AFF4: variants seen among roughly 807,000 people sequenced by gnomAD.
AFF4 encodes the protein ALF transcription elongation factor 4, also known as AF4/FMR2 family member 4.
In AFF4, 13 loss-of-function variants were observed where a neutral mutation model predicts 124.8. The observed-to-expected ratio is 0.10, with a 90% confidence interval of 0.07 to 0.17. AFF4 has a LOEUF of 0.17. AFF4 is among the 10% of genes least tolerant of loss of function. AFF4 has a pLI of 1.00. For synonymous variants in AFF4, 477 were observed against 496.1 expected (o/e 0.96, Z 0.51); for missense variants, 1,092 against 1,403.8 (o/e 0.78, Z 3.55).
intron 1 of AFF4, among the ~76,000 whole-genome samples, chr5:132,955,425 T>C (rs1761930506): frequency 6.6e-6 from 1 of 152,110 alleles, no homozygotes; most frequent in South Asian, 2.1e-4. Flanking sequence ...TCTGATCTGA[T>C]AGGAAGCAAA....
rs1055166023 is a variant in AFF4 at position 132,947,531 on chromosome 5, T to A, written c.-4-10338A>T. On this transcript the variant is annotated intron_variant, in intron 1 of 20. Transcript: ENST00000265343. ...TTCACTTAGTGTCTTAAAATAACTA[T>A]CCTACTGAAAAACAGAGTCATTCAA... Among the ~76,000 whole-genome samples the A allele has an allele frequency of 3.6e-4, 55 of 152,194 alleles. 1 individual carries two copies. The highest frequency in any genetic ancestry group is 1.9e-3 in the Admixed American group (29 of 15,272).
rs1475372623 is a variant in AFF4, at chr5:132,897,032, G to C, written c.1598C>G (p.Ser533Cys). The C allele has an allele frequency of 5.0e-6, 8 of 1,614,194 alleles. No homozygotes were observed. The highest frequency in any genetic ancestry group is 6.8e-6 in the Non-Finnish European group (8 of 1,180,042). The change falls in exon 11 of 21, where the codon TCC becomes TGC. Residue 533 changes from serine to cysteine, a missense_variant. Physicochemically the swap from Ser to Cys is moderately radical, Grantham distance 112. Around this residue, in one of 11 missense-constraint regions of AFF4, gnomAD observed 174 missense variants for 205.9 expected, o/e 0.84. Transcript: ENST00000265343. ...ETSSATPGRDSKTIQKGSESG... is the reference protein window; with the variant it reads ...ETSSATPGRDCKTIQKGSESG... Reference sequence around the variant, plus strand: ...TTCTGATCCCTTTTGGATGGTTTTGGAGTCTCGTCCCGGAGTAGCGGAACT... The same window carrying C: ...TTCTGATCCCTTTTGGATGGTTTTGCAGTCTCGTCCCGGAGTAGCGGAACT...
intron 5 of AFF4, among the ~76,000 whole-genome samples, chr5:132,916,885 T>C (rs1244464915): frequency 6.6e-6 from 1 of 152,188 alleles, no homozygotes; most frequent in Non-Finnish European, 1.5e-5. Flanking sequence ...GAATGTAATA[T>C]TGATTTAACA....
Position 132,946,108 on chromosome 5 carries a change from C to A in AFF4, c.-4-8915G>T, listed in dbSNP as rs201753244. Among the ~76,000 whole-genome samples the A allele has an allele frequency of 1.0e-3, 156 of 152,148 alleles. 4 individuals carry two copies. In the East Asian group the frequency reaches 0.027, roughly 26 times the overall value. ...AGTAAAGTTTAGTGAAAGAAAAAAACCCACAATATCACTCCACACCCATTA... is the reference window on the plus strand; with the variant it reads ...AGTAAAGTTTAGTGAAAGAAAAAAAACCACAATATCACTCCACACCCATTA... On this transcript the variant is annotated intron_variant, in intron 1 of 20. Transcript: ENST00000265343.
At chr5:132,911,090 T>C (rs1057401305) in intron 5 of AFF4, among the ~76,000 whole-genome samples, 1 of 152,212 alleles carries the variant, frequency 6.6e-6, no homozygotes, top group Non-Finnish European at 1.5e-5. Flanking sequence ...GAAGATTTCC[T>C]AAGGTTACCT....
chr5:132,882,778 C>A (rs752807607), intron 20 of AFF4, among the ~76,000 whole-genome samples: 5 of 148,220 alleles, frequency 3.4e-5, no homozygotes, highest in Non-Finnish European at 7.4e-5. Flanking sequence ...CACTTGAAAC[C>A]GGAAGGTGGA....
intron 1 of AFF4, among the ~76,000 whole-genome samples, chr5:132,955,369 C>T (rs1761929244): frequency 2.0e-5 from 3 of 152,152 alleles, no homozygotes; most frequent in Admixed American, 2.0e-4. Flanking sequence ...ACCCCACCCA[C>T]TTCTAGCCAG....
At chr5:132,890,918 T>C (rs1023735001) in intron 13 of AFF4, among the ~76,000 whole-genome samples, 6 of 152,088 alleles carry the variant, frequency 3.9e-5, no homozygotes, top group African/African-American at 1.2e-4. Context: ...TTACGTGTGA[T>C]AGAAGCATAC....
At position 132,893,725 on chromosome 5, in the gene AFF4, G is replaced by A. The variant is rs566559051; in HGVS notation, c.2308-607C>T. Among the ~76,000 whole-genome samples the A allele has an allele frequency of 2.8e-3, 426 of 152,116 alleles. 4 individuals are homozygous for A. Among genetic ancestry groups the A allele is most frequent in the African/African-American group, 9.7e-3 (402 of 41,492 alleles). ...AATCTCCTGACCTCATGATCCGCCC[G>A]CCTTGGCCTCCCAAAGTGCTGGGAT... On this transcript the variant is annotated intron_variant, in intron 11 of 20. Coordinates refer to ENST00000265343, the MANE Select transcript of AFF4 (RefSeq NM_014423.4).
chr5:132,913,486 C>G (rs987808655), intron 5 of AFF4, among the ~76,000 whole-genome samples: 4 of 152,198 alleles, frequency 2.6e-5, no homozygotes, highest in African/African-American at 7.2e-5. Context: ...CTCTGTCACC[C>G]AGGCTGGAGT....
chr5:132,933,833 A>G (rs893298957), intron 3 of AFF4, among the ~76,000 whole-genome samples: 1 of 152,238 alleles, frequency 6.6e-6, no homozygotes, highest in African/African-American at 2.4e-5. Context: ...ACAAAGGTAT[A>G]TTGTTCTATA....
chr5:132,898,480 T>C (rs1049051433), intron 9 of AFF4, 88 bp from the exon 10 acceptor site: 3 of 1,390,780 alleles, frequency 2.2e-6, no homozygotes, highest in African/African-American at 1.5e-5. Context: ...CTTTCTTTTT[T>C]TCTTCTTGTC....
chr5:132,920,425 T>C (rs1272066978), intron 5 of AFF4, among the ~76,000 whole-genome samples: 1 of 150,138 alleles, frequency 6.7e-6, no homozygotes, highest in Non-Finnish European at 1.5e-5. Context: ...GGCATAATCA[T>C]GACTCACTGC....
intron 1 of AFF4, among the ~76,000 whole-genome samples, chr5:132,958,670 A>G (rs2150115629): frequency 6.6e-6 from 1 of 152,292 alleles, no homozygotes; most frequent in Admixed American, 6.5e-5. Context: ...AATGGAAGCA[A>G]CTGCAAAAAG....
rs113489900 is a variant in AFF4 at position 132,949,847 on chromosome 5, CAAA to C, written c.-4-12657_-4-12655del. ...ACTGCACTAGAGCGAGACTCTGTCT[CAAA>C]AAAAAAAAAAAAAAAAAGTAAAAAT... On this transcript the variant is annotated intron_variant, in intron 1 of 20. Transcript: ENST00000265343. 5.1e-3 allele frequency among the ~76,000 whole-genome samples: 506 copies of C among 100,174 alleles called. 5 individuals carry two copies. Among genetic ancestry groups the C allele is most frequent in the African/African-American group, 0.015 (452 of 29,582 alleles). 65.7% of individuals were successfully genotyped at this position (100,174 alleles called of 152,430 possible). A position where few individuals can be genotyped will look rare whatever the true frequency, so the allele number is the denominator to read the frequency against.
chr5:132,931,894 A>AGATC (rs1761307891), intron 4 of AFF4, among the ~76,000 whole-genome samples: 1 of 152,212 alleles, frequency 6.6e-6, no homozygotes, highest in Non-Finnish European at 1.5e-5. Flanking sequence ...CAGTGAGCCA[A>AGATC]GATCGCGCCA....
chr5:132,927,054 C>A, intron 5 of AFF4, 67 bp downstream of exon 5: 2 of 1,348,846 alleles, frequency 1.5e-6, no homozygotes, highest in Non-Finnish European at 2.1e-6. Context: ...AATTTTTAAT[C>A]CATATGATTT....
At chr5:132,956,197 T>A (rs1761955387) in intron 1 of AFF4, among the ~76,000 whole-genome samples, 1 of 152,030 alleles carries the variant, frequency 6.6e-6, no homozygotes, top group Non-Finnish European at 1.5e-5. Context: ...AGTAAATATT[T>A]CAGGTTTGGC....
At chr5:132,924,809 CGCACCAGG>C (rs1346197090) in intron 5 of AFF4, among the ~76,000 whole-genome samples, 6 of 151,820 alleles carry the variant, frequency 4.0e-5, no homozygotes, top group Non-Finnish European at 7.4e-5. Flanking sequence ...GAGTCGAGAT[CGCACCAGG>C]TGACACAGCA....
Sources: allele counts gnomAD v4.1 joint callset (sites outside exome capture counted in the v4.1 genomes callset), GRCh38; gene constraint gnomAD v4.1.1; regional missense constraint gnomAD v4.1.1; transcripts MANE v1.5; gene names NCBI Gene and HGNC (gene_info 2026-07-23, HGNC 2026-07-21).